The following LRRTM4 variants were observed in gnomAD, a reference collection of about 807,000 sequenced individuals.
LRRTM4 encodes leucine-rich repeat transmembrane neuronal protein 4.
LRRTM4 carries 25 observed loss-of-function variants against 47.6 expected under a neutral mutation model. The observed-to-expected ratio is 0.53, with a 90% CI of 0.38 to 0.73. The LOEUF (loss-of-function observed/expected upper bound fraction) is 0.73. Among genes scored for constraint, LRRTM4 ranks in the 30% least tolerant of loss-of-function variants. The probability of loss-of-function intolerance (pLI) is 0.00; values close to 1 mark genes in which losing one functional copy is unlikely to be tolerated. For synonymous variants in LRRTM4, 311 were observed against 269.5 expected, an observed-to-expected ratio of 1.15 and a Z score of -1.51; for missense variants, 638 against 713.4, an observed-to-expected ratio of 0.89 and a Z score of 1.20.
chr2:77,119,913 A>G (rs17406632), intron 3 of LRRTM4, among the ~76,000 whole-genome samples: 20,088 of 151,674 alleles, frequency 0.13, 1,593 homozygotes, highest in Non-Finnish European at 0.18. Flanking sequence ...GTGTATATTA[A>G]TAGGATAACC....
chr2:77,365,551 T>C (rs932766361), intron 3 of LRRTM4, among the ~76,000 whole-genome samples: 5 of 151,896 alleles, frequency 3.3e-5, no homozygotes, highest in African/African-American at 1.2e-4. Context: ...GAGAAGAGAA[T>C]CAAGAAGAAT....
chr2:77,191,627 A>G (rs1004983179), intron 3 of LRRTM4, among the ~76,000 whole-genome samples: 3 of 151,930 alleles, frequency 2.0e-5, no homozygotes, highest in Admixed American at 2.0e-4. Context: ...TATATGCTAA[A>G]TTAAAGAATA....
chr2:77,350,332 C>CAAA (rs61365229), intron 3 of LRRTM4, among the ~76,000 whole-genome samples: 581 of 39,294 alleles, frequency 0.015, 13 homozygotes, highest in East Asian at 0.037. Context: ...GACTCCGTCT[C>CAAA]AAAAAAAAAA....
At chr2:76,993,847 A>G (rs1677100083) in intron 3 of LRRTM4, among the ~76,000 whole-genome samples, 1 of 152,042 alleles carries the variant, frequency 6.6e-6, no homozygotes. Context: ...AAGATATGAA[A>G]TCAACCTAGG....
rs573427954 is a variant in LRRTM4 at position 77,308,971 on chromosome 2, T to C, written c.1551+209347A>G. 8.5e-5 allele frequency among the ~76,000 whole-genome samples: 13 copies of C among 152,200 alleles called. 2 individuals carry two copies. In the South Asian group the frequency reaches 2.7e-3, roughly 32 times the overall value. Reference sequence around the variant, plus strand: ...ACTCAGTATCACAAAAGAATCTCATTTTCAAACCCAGAATTTCCTGGCATA... The same window carrying C: ...ACTCAGTATCACAAAAGAATCTCATCTTCAAACCCAGAATTTCCTGGCATA... On this transcript the variant is annotated intron_variant, in intron 3 of 3. Coordinates refer to ENST00000409884, the MANE Select transcript of LRRTM4 (RefSeq NM_001134745.3).
Position 77,367,309 on chromosome 2 carries a change from T to C in LRRTM4, c.1551+151009A>G, listed in dbSNP as rs1672499567. ...GATTTTTTTAATGTCACTTACTAGA[T>C]AATAAGCTACATGAAAGCAGGAGGC... On this transcript the variant is annotated intron_variant, in intron 3 of 3. Coordinates refer to ENST00000409884, the MANE Select transcript of LRRTM4 (RefSeq NM_001134745.3). Among the ~76,000 whole-genome samples, 5 of 151,650 alleles carry C rather than the reference T, an allele frequency of 3.3e-5. No homozygotes were observed. In the Admixed American group the frequency reaches 3.3e-4, roughly 10 times the overall value.
At chr2:76,764,883 A>G (rs555412169) in intron 3 of LRRTM4, among the ~76,000 whole-genome samples, 2 of 152,278 alleles carry the variant, frequency 1.3e-5, no homozygotes, top group African/African-American at 4.8e-5. Context: ...GTCCAGGGGA[A>G]AAGACTGATT....
chr2:77,378,414 A>G (rs1334563354), intron 3 of LRRTM4, among the ~76,000 whole-genome samples: 1 of 152,094 alleles, frequency 6.6e-6, no homozygotes. Flanking sequence ...AATTTATTCT[A>G]GATATGTGTA....
chr2:77,177,668 ATT>A (rs1042539224), intron 3 of LRRTM4, among the ~76,000 whole-genome samples: 6 of 152,144 alleles, frequency 3.9e-5, no homozygotes, highest in Non-Finnish European at 7.3e-5. Context: ...TGACTAAATA[ATT>A]TTCATGATTG....
chr2:77,078,522 A>AT (rs1218911291), intron 3 of LRRTM4, among the ~76,000 whole-genome samples: 1 of 152,096 alleles, frequency 6.6e-6, no homozygotes, highest in Non-Finnish European at 1.5e-5. Context: ...AAGTGTATAT[A>AT]TTTTTATAAT....
At chr2:77,057,223 A>G (rs1040965297) in intron 3 of LRRTM4, among the ~76,000 whole-genome samples, 1 of 152,228 alleles carries the variant, frequency 6.6e-6, no homozygotes, top group African/African-American at 2.4e-5. Context: ...GATATAATGT[A>G]AATTAAATTT....
At chr2:76,975,874 T>G (rs1415144355) in intron 3 of LRRTM4, among the ~76,000 whole-genome samples, 1 of 151,758 alleles carries the variant, frequency 6.6e-6, no homozygotes, top group Admixed American at 6.6e-5. Context: ...AACAAGCAAA[T>G]AAGTCATAAC....
Position 77,114,938 on chromosome 2 carries a change from G to A in LRRTM4, c.1552-366022C>T, listed in dbSNP as rs139873261. Among the ~76,000 whole-genome samples the A allele has an allele frequency of 5.5e-3, 830 of 152,240 alleles. 10 individuals carry two copies. The highest frequency in any genetic ancestry group is 0.019 in the African/African-American group (797 of 41,540). ...CATTGTCTTGATAAACATCTTAACA[G>A]GAAACAGGGTTCAAGAGCAGACAAC... On this transcript the variant is annotated intron_variant, in intron 3 of 3. Coordinates refer to ENST00000409884, the MANE Select transcript of LRRTM4 (RefSeq NM_001134745.3).
chr2:76,922,678 A>G (rs923677081), intron 3 of LRRTM4, among the ~76,000 whole-genome samples: 3 of 135,958 alleles, frequency 2.2e-5, no homozygotes, highest in African/African-American at 8.2e-5. Context: ...TATAAGATAA[A>G]CAAGTTCTGG....
At chr2:76,868,092 G>A (rs1193226469) in intron 3 of LRRTM4, among the ~76,000 whole-genome samples, 2 of 152,104 alleles carry the variant, frequency 1.3e-5, no homozygotes, top group Non-Finnish European at 2.9e-5. Context: ...TAGGATCCTG[G>A]CTAATGTGAG....
intron 3 of LRRTM4, among the ~76,000 whole-genome samples, chr2:77,212,066 C>G (rs1348882655): frequency 4.6e-5 from 7 of 151,964 alleles, no homozygotes; most frequent in African/African-American, 1.7e-4. Context: ...CTCCTTTTTC[C>G]TCATCACAAT....
chr2:76,878,269 A>G (rs952006367), intron 3 of LRRTM4, among the ~76,000 whole-genome samples: 1 of 152,102 alleles, frequency 6.6e-6, no homozygotes, highest in Non-Finnish European at 1.5e-5. Context: ...TGTTGCACTG[A>G]CCAGCCACTC....
chr2:77,402,304 C>T lies in LRRTM4; in HGVS notation c.1551+116014G>A, dbSNP rs148755007. ...AGTAATACAGGTGTGTGCCACCATA[C>T]CTGATTGGTTTTTGAAAATTTTTTG... On this transcript the variant is annotated intron_variant, in intron 3 of 3. Transcript: ENST00000409884. Among the ~76,000 whole-genome samples the T allele has an allele frequency of 6.6e-5, 10 of 151,956 alleles. No individual in the cohort carries two copies. In the East Asian group the frequency reaches 1.8e-3, roughly 27 times the overall value.
Position 77,194,293 on chromosome 2 carries a change from A to G in LRRTM4, c.1551+324025T>C, listed in dbSNP as rs562764659. Among the ~76,000 whole-genome samples, 18 of 152,308 alleles carry G rather than the reference A, an allele frequency of 1.2e-4. No homozygotes were observed. The South Asian group carries it at 3.7e-3, about 32-fold the overall frequency. On this transcript the variant is annotated intron_variant, in intron 3 of 3. Coordinates refer to ENST00000409884, the MANE Select transcript of LRRTM4 (RefSeq NM_001134745.3). ...GAACACACCTATCTTCACAACTCTT[A>G]TGTGAGAAAGCAAAAGTCCATTTGA...
Sources: gnomAD v4.1 joint callset for allele counts (sites outside exome capture counted in the v4.1 genomes callset) on GRCh38, gnomAD v4.1.1 for gene constraint, MANE v1.5 for transcripts, NCBI Gene and HGNC (gene_info 2026-07-23, HGNC 2026-07-21) for gene names.